The following VKORC1L1 variants were observed in gnomAD, a reference collection of about 807,000 sequenced individuals.
VKORC1L1 encodes vitamin K epoxide reductase complex subunit 1-like protein 1.
Under a neutral mutation model 18.9 loss-of-function variants are expected in VKORC1L1, and 2 were observed. The ratio of observed to expected loss-of-function variants is 0.11; its 90% CI spans 0.04 to 0.33. The LOEUF (loss-of-function observed/expected upper bound fraction) is 0.33. Ranked by LOEUF, VKORC1L1 falls within the 10% of genes least tolerant of loss-of-function variation. The pLI, the probability that VKORC1L1 is intolerant of heterozygous loss-of-function variation, is 1.00. For synonymous variants in VKORC1L1, 96 were observed against 100.0 expected (o/e 0.96, Z 0.24); for missense variants, 123 against 224.1 (o/e 0.55, Z 2.88).
chr7:65,940,631 A>G (rs1369047035), intron 1 of VKORC1L1, among the ~76,000 whole-genome samples: 1 of 152,210 alleles, frequency 6.6e-6, no homozygotes, highest in African/African-American at 2.4e-5. Context: ...AAGGGCTCCA[A>G]GAGAGATGTC....
At chr7:65,880,387 A>G (rs1373827381) in intron 1 of VKORC1L1, among the ~76,000 whole-genome samples, 1 of 152,146 alleles carries the variant, frequency 6.6e-6, no homozygotes, top group Non-Finnish European at 1.5e-5. Context: ...TTGCCTTCTA[A>G]GGTGTGAGGA....
At chr7:65,901,177 G>C (rs1045930761) in intron 1 of VKORC1L1, among the ~76,000 whole-genome samples, 8 of 152,216 alleles carry the variant, frequency 5.3e-5, no homozygotes, top group African/African-American at 1.7e-4. Context: ...TAAAGAGGTA[G>C]AGCTGGATGA....
rs1044508797 is a variant in VKORC1L1 at position 65,955,348 on chromosome 7, C to A, written c.*1048C>A. The A allele has an allele frequency of 6.6e-6, 1 of 152,224 alleles. No homozygotes were observed. The highest frequency in any genetic ancestry group is 2.4e-5 in the African/African-American group (1 of 41,464). The allele number at this position is 152,224 out of a possible 1,614,324, so 9.4% of individuals were successfully genotyped here. The stretch of plus-strand genomic sequence containing the variant: ...GAGCCAGTGTTCTTGCTAATTGTTT[C>A]TTTCTGCACTAACCACTCAGATGTC... On this transcript the variant is annotated 3_prime_UTR_variant, in exon 3 of 3. Coordinates refer to ENST00000360768, the MANE Select transcript of VKORC1L1 (RefSeq NM_173517.6).
At chr7:65,879,642 T>C (rs11771018) in intron 1 of VKORC1L1, among the ~76,000 whole-genome samples, 62,803 of 140,912 alleles carry the variant, frequency 0.45, 13,264 homozygotes, top group East Asian at 0.51. Context: ...TCTTTACCAC[T>C]ACTCTTTCGT....
intron 1 of VKORC1L1, among the ~76,000 whole-genome samples, chr7:65,902,944 G>A (rs562269823): frequency 2.0e-5 from 3 of 152,090 alleles, no homozygotes; most frequent in African/African-American, 7.2e-5. Context: ...TTGGCTCACC[G>A]TGACCTCCGC....
rs969705699 is a variant in VKORC1L1, at chr7:65,954,717, G to T, written c.*417G>T. On this transcript the variant is annotated 3_prime_UTR_variant, in exon 3 of 3. Transcript: ENST00000360768. ...TAGATACTGTATTAAATATTGCCAT[G>T]TTTACAATATGTAATATGTTTTTAG... 1 of 191,160 alleles carries T rather than the reference G, an allele frequency of 5.2e-6. No homozygotes were observed. The allele number at this position is 191,160 out of a possible 1,614,324, so 11.8% of individuals were successfully genotyped here.
chr7:65,871,010 T>C (rs74394713), upstream of VKORC1L1, among the ~76,000 whole-genome samples: 825 of 152,302 alleles, frequency 5.4e-3, 63 homozygotes, highest in East Asian at 0.14. Flanking sequence ...GGTCTTGAAC[T>C]GCTGGCCTCA....
intron 1 of VKORC1L1, among the ~76,000 whole-genome samples, chr7:65,892,561 G>A (rs1583829067): frequency 6.6e-6 from 1 of 152,010 alleles, no homozygotes; most frequent in East Asian, 1.9e-4. Context: ...TTGTAATTGG[G>A]GGTTTTTGTA....
intron 1 of VKORC1L1, among the ~76,000 whole-genome samples, chr7:65,918,019 G>A (rs539502006): frequency 3.3e-5 from 5 of 152,302 alleles, no homozygotes; most frequent in African/African-American, 1.2e-4. Context: ...CAGCTACAGT[G>A]ACAGTTCTGT....
At chr7:65,896,252 G>A (rs1449141432) in intron 1 of VKORC1L1, among the ~76,000 whole-genome samples, 4 of 151,900 alleles carry the variant, frequency 2.6e-5, no homozygotes, top group East Asian at 1.9e-4. Flanking sequence ...TATTTATGTT[G>A]TATATTGCAG....
chr7:65,922,820 CT>C (rs1378343162), intron 1 of VKORC1L1, among the ~76,000 whole-genome samples: 1 of 152,176 alleles, frequency 6.6e-6, no homozygotes, highest in Non-Finnish European at 1.5e-5. Flanking sequence ...TCTCTGGCAG[CT>C]TTTAAAGATG....
chr7:65,932,390 C>G (rs1261391653), intron 1 of VKORC1L1, among the ~76,000 whole-genome samples: 1 of 152,154 alleles, frequency 6.6e-6, no homozygotes, highest in Non-Finnish European at 1.5e-5. Flanking sequence ...AGCCACTACA[C>G]CTGGCCTGTT....
intron 1 of VKORC1L1, among the ~76,000 whole-genome samples, chr7:65,902,583 A>G (rs1046541672): frequency 3.3e-5 from 5 of 152,280 alleles, no homozygotes; most frequent in African/African-American, 9.6e-5. Flanking sequence ...CAGAAAAAAA[A>G]GATTGTAAAA....
chr7:65,941,507 C>T lies in VKORC1L1; in HGVS notation c.195-7164C>T, dbSNP rs116765320. Among the ~76,000 whole-genome samples, 1,409 of 151,762 alleles carry T rather than the reference C, an allele frequency of 9.3e-3. 24 individuals are homozygous for T. The highest frequency in any genetic ancestry group is 0.031 in the African/African-American group (1,268 of 41,324). ...ATACATTATTCAATGTATTTTTGTA[C>T]GCTTATTTTATATTTACTATACTGT... On this transcript the variant is annotated intron_variant, in intron 1 of 2. Coordinates refer to ENST00000360768, the MANE Select transcript of VKORC1L1 (RefSeq NM_173517.6).
chr7:65,911,834 G>C (rs759835511), intron 1 of VKORC1L1, among the ~76,000 whole-genome samples: 1 of 152,214 alleles, frequency 6.6e-6, no homozygotes, highest in Non-Finnish European at 1.5e-5. Flanking sequence ...GTTTTGCTCT[G>C]ATAGGCATTT....
chr7:65,940,678 G>T (rs1480695626), intron 1 of VKORC1L1, among the ~76,000 whole-genome samples: 1 of 152,120 alleles, frequency 6.6e-6, no homozygotes, highest in Non-Finnish European at 1.5e-5. Context: ...TCCTTCACAT[G>T]GTTGATCTTG....
chr7:65,873,376 C>A lies in VKORC1L1; in HGVS notation c.5C>A (p.Ala2Glu). The A allele has an allele frequency of 1.3e-6, 2 of 1,502,380 alleles. No homozygotes were observed. The highest frequency in any genetic ancestry group is 1.8e-6 in the Non-Finnish European group (2 of 1,126,816). The allele number at this position is 1,502,380 out of a possible 1,614,324, so 93.1% of individuals were successfully genotyped here. Residue 2 changes from alanine to glutamate, a missense_variant, in exon 1 of 3, where the codon GCG becomes GAG. Physicochemically the swap from Ala to Glu is moderately radical, Grantham distance 107. Transcript: ENST00000360768. M[A>E]APVLLRVSVP... ...GGCGGCGGCGGCGGCGGGAAGATGG[C>A]GGCTCCCGTCCTGCTAAGAGTGTCG...
intron 1 of VKORC1L1, among the ~76,000 whole-genome samples, chr7:65,945,721 GATTTT>G (rs1195306033): frequency 5.9e-5 from 9 of 151,994 alleles, no homozygotes; most frequent in African/African-American, 4.8e-5. Context: ...AGAAGGCTTT[GATTTT>G]ATTTTATTTT....
At chr7:65,927,536 CTT>C (rs765689353) in intron 1 of VKORC1L1, among the ~76,000 whole-genome samples, 6 of 152,148 alleles carry the variant, frequency 3.9e-5, no homozygotes, top group Non-Finnish European at 7.3e-5. Flanking sequence ...AAAAGTGAGA[CTT>C]TGAATGGCAG....
Sources: gnomAD v4.1 joint callset for allele counts (sites outside exome capture counted in the v4.1 genomes callset) on GRCh38, gnomAD v4.1.1 for gene constraint, MANE v1.5 for transcripts, NCBI Gene and HGNC (gene_info 2026-07-23, HGNC 2026-07-21) for gene names.